ADD3: variants seen among roughly 807,000 people sequenced by gnomAD.
ADD3 encodes the protein adducin 3.
ADD3 carries 25 observed loss-of-function variants against 80.2 expected under a neutral mutation model. That is an observed-to-expected ratio of 0.31 (90% CI 0.23 to 0.44). ADD3 has a LOEUF of 0.44. ADD3 is among the 20% of genes least tolerant of loss of function. ADD3 has a pLI of 1.00. For synonymous variants in ADD3, 284 were observed against 289.6 expected (o/e 0.98, Z 0.20); for missense variants, 829 against 847.5 (o/e 0.98, Z 0.27).
chr10:110,031,135 G>A (rs184160328), intron 1 of ADD3, among the ~76,000 whole-genome samples: 22 of 152,314 alleles, frequency 1.4e-4, no homozygotes, highest in Non-Finnish European at 2.5e-4. Flanking sequence ...TTAGCTGGGC[G>A]TTGTGGCGCA....
chr10:110,000,970 A>C (rs1300543134), upstream of ADD3, among the ~76,000 whole-genome samples: 1 of 152,232 alleles, frequency 6.6e-6, no homozygotes, highest in Non-Finnish European at 1.5e-5. Flanking sequence ...AACACTAGAC[A>C]AGAATAATGC....
At chr10:110,009,931 G>T (rs1852134674) in intron 1 of ADD3, among the ~76,000 whole-genome samples, 1 of 152,192 alleles carries the variant, frequency 6.6e-6, no homozygotes, top group East Asian at 1.9e-4. Context: ...ATTTGACATA[G>T]TTGATCATAT....
intron 10 of ADD3, 116 bp from the exon 11 acceptor site, chr10:110,125,710 A>C: frequency 1.5e-6 from 1 of 660,588 alleles, no homozygotes; most frequent in Non-Finnish European, 2.4e-6. Context: ...GATACTGCTT[A>C]GTGAAATTAT....
upstream of ADD3, among the ~76,000 whole-genome samples, chr10:110,006,555 T>C (rs1485851467): frequency 6.6e-6 from 1 of 152,190 alleles, no homozygotes; most frequent in Non-Finnish European, 1.5e-5. Flanking sequence ...GTTAAGAGTA[T>C]TTAAAAATAA....
rs1459694574 is a variant in ADD3 at position 110,008,167 on chromosome 10, T to G, written c.-162T>G. The G allele has an allele frequency of 6.6e-6, 1 of 152,268 alleles. No homozygotes were observed. The highest frequency in any genetic ancestry group is 1.5e-5 in the Non-Finnish European group (1 of 68,090). The allele number at this position is 152,268 out of a possible 1,614,324, so 9.4% of individuals were successfully genotyped here. A position where few individuals can be genotyped will look rare whatever the true frequency, so the allele number is the denominator to read the frequency against. On this transcript the variant is annotated 5_prime_UTR_variant, in exon 1 of 15. Transcript: ENST00000356080. The stretch of plus-strand genomic sequence containing the variant: ...CCCTCCCTCCTCAAGCCCCCTCCCC[T>G]TCTCCCGCCCTACCCTCTGGGGCTC...
intron 1 of ADD3, among the ~76,000 whole-genome samples, chr10:110,076,141 A>G (rs376430118): frequency 2.0e-5 from 3 of 152,290 alleles, no homozygotes; most frequent in East Asian, 1.9e-4. Context: ...ATTTTACTCA[A>G]ACTTTAATTT....
At chr10:110,126,556 A>G (rs1852183155) in intron 12 of ADD3, 53 bp downstream of exon 12, 2 of 1,246,912 alleles carry the variant, frequency 1.6e-6, no homozygotes, top group African/African-American at 1.5e-5. Context: ...CATTAATTTC[A>G]TTGATTTTTA....
chr10:110,057,263 T>C (rs1202315118), intron 1 of ADD3, among the ~76,000 whole-genome samples: 2 of 152,212 alleles, frequency 1.3e-5, no homozygotes, highest in Non-Finnish European at 2.9e-5. Context: ...TATCCAAAAA[T>C]AGTTGCCAGT....
At chr10:110,100,366 A>G (rs1336706884) in intron 1 of ADD3, among the ~76,000 whole-genome samples, 3 of 151,746 alleles carry the variant, frequency 2.0e-5, no homozygotes, top group South Asian at 2.1e-4. Flanking sequence ...AAAAAAAAAA[A>G]AAGGCAGTTG....
intron 4 of ADD3, 90 bp from the exon 5 acceptor site, chr10:110,117,252 C>G (rs979082104): frequency 1.6e-6 from 1 of 643,518 alleles, no homozygotes; most frequent in Admixed American, 2.9e-5. Flanking sequence ...TGATCTCTTA[C>G]AATTATTCAT....
intron 1 of ADD3, among the ~76,000 whole-genome samples, chr10:110,039,234 C>T (rs781521916): frequency 7.6e-5 from 11 of 144,026 alleles, no homozygotes; most frequent in Non-Finnish European, 1.5e-4. Flanking sequence ...TCAGTCAGTC[C>T]GCTACCACCT....
In ADD3 at chr10:110,043,674, C is replaced by A. The variant is rs917786348; in HGVS notation, c.-30+35375C>A. Among the ~76,000 whole-genome samples the A allele has an allele frequency of 2.6e-5, 4 of 152,194 alleles. No individual in the cohort carries two copies. The South Asian group carries it at 8.3e-4, about 32-fold the overall frequency. On this transcript the variant is annotated intron_variant, in intron 1 of 14. Transcript: ENST00000356080. ...AGATATTATTTTCAAATTATTGCAT[C>A]AGGGCTCTAAATTCTTCATTCAATA...
At chr10:110,079,416 CA>C in intron 1 of ADD3, 1 of 128,400 alleles carries the variant, frequency 7.8e-6, no homozygotes, top group Non-Finnish European at 1.6e-5. Context: ...ATTTATTTTT[CA>C]AAAAAATGAT....
chr10:110,001,395 A>G (rs1224920483), upstream of ADD3, among the ~76,000 whole-genome samples: 1 of 144,594 alleles, frequency 6.9e-6, no homozygotes, highest in Non-Finnish European at 1.5e-5. Context: ...AGCCTGAGAG[A>G]CAGAGTAAGA....
At chr10:110,095,115 C>A (rs1415494680) in intron 1 of ADD3, among the ~76,000 whole-genome samples, 1 of 152,170 alleles carries the variant, frequency 6.6e-6, no homozygotes, top group South Asian at 2.1e-4. Flanking sequence ...AATTCAGCCC[C>A]CATTTATGGA....
At chr10:110,026,598 G>C (rs1854340790) in intron 1 of ADD3, among the ~76,000 whole-genome samples, 1 of 152,028 alleles carries the variant, frequency 6.6e-6, no homozygotes, top group African/African-American at 2.4e-5. Context: ...TTTTAAGTCA[G>C]TTTTAATAGG....
intron 1 of ADD3, among the ~76,000 whole-genome samples, chr10:110,010,251 T>TC (rs1259988514): frequency 6.6e-6 from 1 of 152,224 alleles, no homozygotes; most frequent in African/African-American, 2.4e-5. Flanking sequence ...AGTAGGCCTA[T>TC]CATGTCTGAG....
intron 1 of ADD3, among the ~76,000 whole-genome samples, chr10:110,065,741 T>C (rs1298589855): frequency 6.6e-6 from 1 of 150,972 alleles, no homozygotes; most frequent in Non-Finnish European, 1.5e-5. Flanking sequence ...GGTTTCACCA[T>C]TTTGGCCAGG....
intron 1 of ADD3, among the ~76,000 whole-genome samples, chr10:110,044,577 C>CTATGG: frequency 6.6e-6 from 1 of 152,288 alleles, no homozygotes; most frequent in African/African-American, 2.4e-5. Flanking sequence ...ACATCCACAG[C>CTATGG]TGATAAGTAA....
Sources: allele counts gnomAD v4.1 joint callset (sites outside exome capture counted in the v4.1 genomes callset), GRCh38; gene constraint gnomAD v4.1.1; transcripts MANE v1.5; gene names NCBI Gene and HGNC (gene_info 2026-07-23, HGNC 2026-07-21).